The following MED12L variants were observed in gnomAD, a reference collection of about 807,000 sequenced individuals.
The protein encoded by MED12L is mediator of RNA polymerase II transcription subunit 12-like protein.
MED12L carries 60 observed loss-of-function variants against 281.3 expected under a neutral mutation model. The observed-to-expected ratio is 0.21, with a 90% confidence interval of 0.17 to 0.26. MED12L has a LOEUF of 0.26. Among genes scored for constraint, MED12L ranks in the 10% least tolerant of loss-of-function variants. MED12L has a pLI of 1.00. For missense variants in MED12L, 2,146 were observed against 2,680.9 expected (o/e 0.80, Z 4.41); for synonymous variants, 974 against 987.2 (o/e 0.99, Z 0.25).
chr3:151,163,471 A>G (rs1720264848), intron 8 of MED12L, among the ~76,000 whole-genome samples: 1 of 151,938 alleles, frequency 6.6e-6, no homozygotes, highest in South Asian at 2.1e-4. Flanking sequence ...CTACTATTAC[A>G]TGATTATTTG....
chr3:151,268,890 A>G (rs933019251), intron 16 of MED12L, among the ~76,000 whole-genome samples: 2 of 152,324 alleles, frequency 1.3e-5, no homozygotes, highest in Non-Finnish European at 2.9e-5. Flanking sequence ...TGGTTTTAGT[A>G]TGCAAAATTT....
chr3:151,361,321 T>A (rs1754589390), intron 21 of MED12L, among the ~76,000 whole-genome samples: 1 of 152,130 alleles, frequency 6.6e-6, no homozygotes, highest in Non-Finnish European at 1.5e-5. Context: ...GTACCCTCAC[T>A]GAATAACATT....
chr3:151,171,952 C>G (rs916934419), intron 11 of MED12L, among the ~76,000 whole-genome samples: 59 of 152,138 alleles, frequency 3.9e-4, no homozygotes, highest in African/African-American at 1.2e-3. Context: ...GATGCTCAGT[C>G]GCATTTATTG....
chr3:151,094,585 A>G (rs1413380348), intron 2 of MED12L, among the ~76,000 whole-genome samples: 5 of 152,228 alleles, frequency 3.3e-5, no homozygotes, highest in Non-Finnish European at 7.3e-5. Context: ...GGAGTTCATG[A>G]TACTGTTCTC....
At chr3:151,185,242 T>G in intron 11 of MED12L, 88 bp from the exon 12 acceptor site, 2 of 1,309,020 alleles carry the variant, frequency 1.5e-6, no homozygotes, top group Middle Eastern at 2.0e-4. Context: ...AGCTTTAAAG[T>G]GTTAGATATT....
intron 11 of MED12L, among the ~76,000 whole-genome samples, chr3:151,182,942 T>C (rs1722873612): frequency 6.6e-6 from 1 of 152,128 alleles, no homozygotes; most frequent in South Asian, 2.1e-4. Flanking sequence ...AGATCATATG[T>C]ATAAATAGGG....
intron 16 of MED12L, chr3:151,269,903 C>T (rs748268754): frequency 4.8e-5 from 22 of 456,820 alleles, no homozygotes; most frequent in Admixed American, 1.9e-4. Flanking sequence ...GTTTACTGAC[C>T]GTTCTGATGC....
intron 16 of MED12L, among the ~76,000 whole-genome samples, chr3:151,256,049 G>T (rs910165483): frequency 9.2e-5 from 14 of 152,238 alleles, no homozygotes; most frequent in African/African-American, 3.1e-4. Flanking sequence ...TTTCAAAACT[G>T]CATGGTTCAA....
chr3:151,237,351 T>TTTC (rs371571895), intron 16 of MED12L, among the ~76,000 whole-genome samples: 7 of 8,474 alleles, frequency 8.3e-4, no homozygotes, highest in Admixed American at 1.7e-3. Flanking sequence ...TTTTTTTTTC[T>TTTC]TTTTTTTTTT....
chr3:151,098,609 C>T (rs921522009), intron 2 of MED12L, among the ~76,000 whole-genome samples: 1 of 152,114 alleles, frequency 6.6e-6, no homozygotes, highest in Admixed American at 6.5e-5. Flanking sequence ...CATGGTCTTC[C>T]TCTGGGTGTC....
rs546083716 is a variant in MED12L at position 151,274,784 on chromosome 3, A to G, written c.2251-75275A>G. ...ATCAATTCCTAGGAGTGATGATGTT[A>G]AGGTTTGTGGATATGTCTGTTAGAA... On this transcript the variant is annotated intron_variant, in intron 16 of 44. Transcript: ENST00000687756. Among the ~76,000 whole-genome samples the G allele has an allele frequency of 2.6e-5, 4 of 152,304 alleles. No individual in the cohort carries two copies. In the East Asian group the frequency reaches 7.7e-4, roughly 29 times the overall value.
At chr3:151,185,495 CG>C in intron 12 of MED12L, 34 bp downstream of exon 12, 2 of 1,610,304 alleles carry the variant, frequency 1.2e-6, no homozygotes, top group South Asian at 2.2e-5. Context: ...TGTTGAATGC[CG>C]TAATGTAAAA....
intron 16 of MED12L, chr3:151,278,274 G>C (rs1351826206): frequency 6.6e-6 from 1 of 152,196 alleles, no homozygotes; most frequent in South Asian, 2.1e-4. Flanking sequence ...TCATGGAAAA[G>C]CTGTTTTCTT....
At position 151,305,220 on chromosome 3, in the gene MED12L, T is replaced by TC. The variant is rs553330063; in HGVS notation, c.2251-44836dup. 8.5e-5 allele frequency among the ~76,000 whole-genome samples: 13 copies of TC among 152,304 alleles called. No homozygotes were observed. The South Asian group carries it at 2.3e-3, about 27-fold the overall frequency. On this transcript the variant is annotated intron_variant, in intron 16 of 44. Transcript: ENST00000687756. Reference sequence around the variant, plus strand: ...AAAGGGCTTGGTTCCAGGACCTGGATCCCGGGCGGGAATCCTGCCCTGCCA... The same window carrying TC: ...AAAGGGCTTGGTTCCAGGACCTGGATCCCCGGGCGGGAATCCTGCCCTGCCA...
At chr3:151,366,061 C>A in intron 23 of MED12L, 70 bp downstream of exon 23, 1 of 1,292,340 alleles carries the variant, frequency 7.7e-7, no homozygotes, top group Non-Finnish European at 1.0e-6. Context: ...AATCTTTTTG[C>A]TTTTGGCTTT....
At chr3:151,093,140 C>G (rs867725803) in intron 2 of MED12L, among the ~76,000 whole-genome samples, 3 of 152,172 alleles carry the variant, frequency 2.0e-5, no homozygotes, top group Admixed American at 1.3e-4. Flanking sequence ...ACACCCATCT[C>G]TACAAAAAAT....
At chr3:151,251,198 C>T (rs1736783610) in intron 16 of MED12L, among the ~76,000 whole-genome samples, 2 of 152,186 alleles carry the variant, frequency 1.3e-5, no homozygotes, top group African/African-American at 2.4e-5. Flanking sequence ...CAGCATCTCT[C>T]ACCACCTTGC....
intron 39 of MED12L, among the ~76,000 whole-genome samples, chr3:151,405,379 C>T (rs1716176381): frequency 1.3e-5 from 2 of 152,144 alleles, no homozygotes; most frequent in African/African-American, 4.8e-5. Context: ...GGTATCTGAG[C>T]CATGGAAGCT....
At chr3:151,405,691 T>C (rs1169425899) in intron 39 of MED12L, among the ~76,000 whole-genome samples, 2 of 152,142 alleles carry the variant, frequency 1.3e-5, no homozygotes, top group Non-Finnish European at 2.9e-5. Context: ...TATAGTTCTC[T>C]CCATGCATTA....
Sources: gnomAD v4.1 joint callset for allele counts (sites outside exome capture counted in the v4.1 genomes callset) on GRCh38, gnomAD v4.1.1 for gene constraint, MANE v1.5 for transcripts, NCBI Gene and HGNC (gene_info 2026-07-23, HGNC 2026-07-21) for gene names.